The following SYNCRIP variants were observed in gnomAD, a reference collection of about 807,000 sequenced individuals.
The protein encoded by SYNCRIP is heterogeneous nuclear ribonucleoprotein Q.
SYNCRIP carries 9 observed loss-of-function variants against 68.9 expected under a neutral mutation model. That is an observed-to-expected ratio of 0.13 (90% CI 0.08 to 0.23). SYNCRIP has a LOEUF of 0.23. Among genes scored for constraint, SYNCRIP ranks in the 10% least tolerant of loss-of-function variants. The probability of loss-of-function intolerance (pLI) is 1.00; values close to 1 mark genes in which losing one functional copy is unlikely to be tolerated. For synonymous variants in SYNCRIP, 258 were observed against 254.0 expected (o/e 1.02, Z -0.15); for missense variants, 414 against 770.6 (o/e 0.54, Z 5.48).
chr6:85,636,797 T>C (rs1808507284), intron 6 of SYNCRIP, among the ~76,000 whole-genome samples, 170 bp downstream of exon 6: 1 of 151,910 alleles, frequency 6.6e-6, no homozygotes, highest in African/African-American at 2.4e-5. Context: ...CTATCAACTA[T>C]ACATGCAAAG....
chr6:85,610,728 A>G (rs1366044430), downstream of SYNCRIP: 1 of 152,040 alleles, frequency 6.6e-6, no homozygotes, highest in Non-Finnish European at 1.5e-5. Flanking sequence ...ACTCCTCGGA[A>G]CTGAGAAATG....
At chr6:85,620,292 T>A (rs907196309) in intron 8 of SYNCRIP, among the ~76,000 whole-genome samples, 4 of 152,198 alleles carry the variant, frequency 2.6e-5, no homozygotes, top group Non-Finnish European at 5.9e-5. Context: ...AACCAAGATG[T>A]TCTTCAATGG....
chr6:85,629,384 AAATT>A (rs542676279), intron 6 of SYNCRIP, among the ~76,000 whole-genome samples: 174 of 152,244 alleles, frequency 1.1e-3, no homozygotes, highest in Non-Finnish European at 2.0e-3. Flanking sequence ...ACTATTTGCT[AAATT>A]ATTATTAAAA....
intron 2 of SYNCRIP, among the ~76,000 whole-genome samples, chr6:85,641,006 CA>C (rs895092645): frequency 1.3e-5 from 2 of 152,138 alleles, no homozygotes; most frequent in African/African-American, 2.4e-5. Flanking sequence ...TAAAAATACT[CA>C]AAAAAGTCAC....
intron 9 of SYNCRIP, 56 bp downstream of exon 9, chr6:85,619,212 T>C: frequency 6.3e-7 from 1 of 1,591,634 alleles, no homozygotes; most frequent in East Asian, 2.2e-5. Flanking sequence ...TTTGAGATTC[T>C]AAAATGACTA....
At chr6:85,635,774 C>CA (rs58599854) in intron 6 of SYNCRIP, among the ~76,000 whole-genome samples, 24,573 of 77,980 alleles carry the variant, frequency 0.32, 1,830 homozygotes, top group East Asian at 0.46. Context: ...TTCTATCTCC[C>CA]AAAAAAAAAA....
At chr6:85,617,627 G>A (rs563662333) in intron 10 of SYNCRIP, among the ~76,000 whole-genome samples, 1 of 152,148 alleles carries the variant, frequency 6.6e-6, no homozygotes, top group African/African-American at 2.4e-5. Flanking sequence ...AATTTTGTCT[G>A]ATCCCATTTT....
intron 6 of SYNCRIP, among the ~76,000 whole-genome samples, chr6:85,626,865 A>G (rs1396725797): frequency 6.6e-6 from 1 of 152,210 alleles, no homozygotes; most frequent in Non-Finnish European, 1.5e-5. Flanking sequence ...CATGGTAGGT[A>G]GAAAGTACAA....
Position 85,614,859 on chromosome 6 carries a change from A to C in SYNCRIP, c.1769T>G (p.Ile590Ser). 6.2e-7 allele frequency: 1 copy of C among 1,614,158 alleles called. No individual in the cohort carries two copies. The highest frequency in any genetic ancestry group is 8.5e-7 in the Non-Finnish European group (1 of 1,180,030). ...ACCACCTTGGAGCGGTTGCTGAGCA[A>C]TGGGTTGGGAGCCCCAGTTCTGATT... is the stretch of plus-strand genomic sequence containing the variant. ...TNNQNWGSQP[I>S]AQQPLQGGDH... Residue 590 changes from isoleucine (I) to serine (S), a missense_variant, in exon 11 of 11, where the codon ATT becomes AGT. Transcript: ENST00000369622.
chr6:85,637,375 C>T lies in SYNCRIP; in HGVS notation c.376-19G>A, dbSNP rs1353423223. On this transcript the variant is annotated intron_variant, in intron 4 of 10. Transcript: ENST00000369622. The stretch of plus-strand genomic sequence containing the variant: ...AGAGTGCCTTGAAAAGTTCAAACGT[C>T]ATTAATACATTTAATTCACTAGACC... 1 of 1,499,420 alleles carries T rather than the reference C, an allele frequency of 6.7e-7. No individual in the cohort carries two copies. The highest frequency in any genetic ancestry group is 1.4e-5 in the African/African-American group (1 of 72,390). The allele number at this position is 1,499,420 out of a possible 1,614,324, so 92.9% of individuals were successfully genotyped here. A position where few individuals can be genotyped will look rare whatever the true frequency, so the allele number is the denominator to read the frequency against.
At chr6:85,641,871 A>T (rs1809202255) in intron 1 of SYNCRIP, among the ~76,000 whole-genome samples, 1 of 152,132 alleles carries the variant, frequency 6.6e-6, no homozygotes, top group South Asian at 2.1e-4. Context: ...ATCGGTAACA[A>T]CAGCCAGCGA....
chr6:85,638,649 A>C (rs1808765385), intron 4 of SYNCRIP, among the ~76,000 whole-genome samples: 1 of 152,162 alleles, frequency 6.6e-6, no homozygotes, highest in Non-Finnish European at 1.5e-5. Flanking sequence ...CTCAAAGGAC[A>C]CTAACTGTTT....
intron 1 of SYNCRIP, among the ~76,000 whole-genome samples, chr6:85,641,873 A>C (rs529405301): frequency 6.6e-6 from 1 of 152,166 alleles, no homozygotes; most frequent in Non-Finnish European, 1.5e-5. Flanking sequence ...CGGTAACAAC[A>C]GCCAGCGAAG....
At chr6:85,638,304 T>C (rs979689423) in intron 4 of SYNCRIP, among the ~76,000 whole-genome samples, 3 of 133,558 alleles carry the variant, frequency 2.2e-5, no homozygotes, top group Non-Finnish European at 4.6e-5. Flanking sequence ...CGCTTAAACC[T>C]GGAGGGGCGG....
intron 10 of SYNCRIP, 77 bp from the exon 11 acceptor site, chr6:85,615,424 A>C (rs1368609684): frequency 2.1e-6 from 2 of 954,262 alleles, no homozygotes; most frequent in African/African-American, 3.3e-5. Context: ...CATTTGTAAC[A>C]GTTTAAATCC....
chr6:85,641,994 G>T (rs1298550007), intron 1 of SYNCRIP, among the ~76,000 whole-genome samples: 1 of 151,976 alleles, frequency 6.6e-6, no homozygotes, highest in Non-Finnish European at 1.5e-5. Context: ...TCTCACCACT[G>T]CGGCCGCCAG....
intron 6 of SYNCRIP, among the ~76,000 whole-genome samples, chr6:85,631,339 C>CAAAAAAAAAAAAAAAAAAAA (rs71003000): frequency 8.7e-5 from 8 of 91,802 alleles, no homozygotes; most frequent in African/African-American, 3.0e-4. Flanking sequence ...ACTGTGTCTC[C>CAAAAAAAAAAAAAAAAAAAA]AAAAAAAAAA....
chr6:85,641,780 G>A (rs1463499081), intron 1 of SYNCRIP, among the ~76,000 whole-genome samples: 1 of 152,184 alleles, frequency 6.6e-6, no homozygotes, highest in Non-Finnish European at 1.5e-5. Flanking sequence ...AATGAGGTGT[G>A]TGTGGAGAAA....
chr6:85,638,969 GGAGGCCAAGGTGGGTGGGTCAC>G (rs1808803154), intron 4 of SYNCRIP, among the ~76,000 whole-genome samples: 2 of 152,160 alleles, frequency 1.3e-5, no homozygotes, highest in African/African-American at 4.8e-5. Context: ...CAGGACTTTG[GGAGGCCAAGGTGGGTGGGTCAC>G]GAGGTCAAGA....
Sources: gnomAD v4.1 joint callset for allele counts (sites outside exome capture counted in the v4.1 genomes callset) on GRCh38, gnomAD v4.1.1 for gene constraint, MANE v1.5 for transcripts, NCBI Gene and HGNC (gene_info 2026-07-23, HGNC 2026-07-21) for gene names.